Variants in CDC42BPA observed in about 807,000 individuals in gnomAD.
The protein encoded by CDC42BPA is serine/threonine-protein kinase MRCK alpha.
Under a neutral mutation model 223.5 loss-of-function variants are expected in CDC42BPA, and 80 were observed. That is an observed-to-expected ratio of 0.36 (90% CI 0.30 to 0.43). CDC42BPA has a LOEUF of 0.43. Among genes scored for constraint, CDC42BPA ranks in the 20% least tolerant of loss-of-function variants. CDC42BPA has a pLI of 1.00. For synonymous variants in CDC42BPA, 694 were observed against 718.6 expected, an observed-to-expected ratio of 0.97 and a Z score of 0.55; for missense variants, 1,743 against 2,099.9, an observed-to-expected ratio of 0.83 and a Z score of 3.32.
At chr1:227,145,450 A>C (rs1395160049) in intron 8 of CDC42BPA, 39 bp downstream of exon 8, 1 of 1,575,220 alleles carries the variant, frequency 6.3e-7, no homozygotes, top group South Asian at 1.2e-5. Context: ...TAGTAGAAAG[A>C]AACAGAGGGA....
chr1:227,258,964 G>GAT (rs1683581285), intron 1 of CDC42BPA, among the ~76,000 whole-genome samples: 1 of 151,132 alleles, frequency 6.6e-6, no homozygotes, highest in South Asian at 2.1e-4. Flanking sequence ...GGACTAATCA[G>GAT]ATCTGTTGCG....
chr1:227,121,054 C>T (rs765448080), intron 11 of CDC42BPA, among the ~76,000 whole-genome samples: 1 of 152,158 alleles, frequency 6.6e-6, no homozygotes, highest in Non-Finnish European at 1.5e-5. Flanking sequence ...GGCGCTAATG[C>T]TCACTCACCT....
chr1:227,311,387 G>A (rs1164096794), intron 1 of CDC42BPA, among the ~76,000 whole-genome samples: 1 of 152,066 alleles, frequency 6.6e-6, no homozygotes, highest in Admixed American at 6.5e-5. Flanking sequence ...AGCAATTCTT[G>A]GTCCTCGATA....
chr1:227,035,459 A>T lies in CDC42BPA; in HGVS notation c.3336+12T>A. ...TAAAGGATTAATCTAAACCCAACTT[A>T]ATCATACTTACCCTGACATGACCTT... On this transcript the variant is annotated intron_variant, in intron 25 of 36. Transcript: ENST00000366766. 1.3e-6 allele frequency: 2 copies of T among 1,596,790 alleles called. No individual in the cohort carries two copies. Among genetic ancestry groups the T allele is most frequent in the South Asian group, 1.1e-5 (1 of 87,286 alleles).
rs1373925166 is a variant in CDC42BPA, at chr1:227,060,716, A to AGTT, written c.2905-8732_2905-8731insAAC. Among the ~76,000 whole-genome samples, 501 of 126,470 alleles carry AGTT rather than the reference A, an allele frequency of 4.0e-3. 16 individuals carry two copies. Among genetic ancestry groups the AGTT allele is most frequent in the Non-Finnish European group, 6.7e-3 (410 of 60,802 alleles). The allele number at this position is 126,470 out of a possible 152,430, so 83.0% of individuals were successfully genotyped here. A position where few individuals can be genotyped will look rare whatever the true frequency, so the allele number is the denominator to read the frequency against. On this transcript the variant is annotated intron_variant, in intron 21 of 36. Transcript: ENST00000366766. ...AACTCTGGCAGGTAAGTAAATAGGT[A>AGTT]CTTTTTTTTTTTTTTTTTTTTTTTT...
chr1:227,030,368 C>CTT, intron 29 of CDC42BPA, 40 bp downstream of exon 29: 1 of 1,226,726 alleles, frequency 8.2e-7, no homozygotes, highest in Non-Finnish European at 1.2e-6. Flanking sequence ...TTTTTTAACA[C>CTT]GATTTAAAAT....
intron 2 of CDC42BPA, 94 bp from the exon 3 acceptor site, chr1:227,213,313 C>T (rs184051247): frequency 6.4e-5 from 39 of 612,918 alleles, no homozygotes; most frequent in Admixed American, 5.7e-4. Context: ...AAAATAAATA[C>T]CAATTATCAA....
chr1:227,308,852 A>C (rs377686834), intron 1 of CDC42BPA, among the ~76,000 whole-genome samples: 1 of 152,086 alleles, frequency 6.6e-6, no homozygotes, highest in Admixed American at 6.6e-5. Context: ...AATTAAACAG[A>C]AGGTGTTTTT....
chr1:227,036,203 C>T (rs1167246492), intron 24 of CDC42BPA, among the ~76,000 whole-genome samples: 2 of 151,962 alleles, frequency 1.3e-5, no homozygotes, highest in Admixed American at 1.3e-4. Flanking sequence ...GTACAGTTAC[C>T]ATCTCTATAA....
chr1:227,132,651 T>C (rs1657427420), intron 10 of CDC42BPA, among the ~76,000 whole-genome samples: 1 of 142,902 alleles, frequency 7.0e-6, no homozygotes, highest in Non-Finnish European at 1.5e-5. Context: ...GTGAGGATCG[T>C]CTCTGCCCGG....
At chr1:227,089,286 C>T (rs1682593327) in intron 16 of CDC42BPA, among the ~76,000 whole-genome samples, 1 of 152,070 alleles carries the variant, frequency 6.6e-6, no homozygotes, top group African/African-American at 2.4e-5. Context: ...CTGTGGTCAT[C>T]CTTGGGGAAA....
chr1:227,104,853 T>C (rs1044616743), intron 14 of CDC42BPA, among the ~76,000 whole-genome samples: 2 of 151,958 alleles, frequency 1.3e-5, no homozygotes, highest in Non-Finnish European at 2.9e-5. Context: ...ACCATACCAA[T>C]ATCTTGATTT....
chr1:227,245,079 G>A (rs1467132779), intron 2 of CDC42BPA, among the ~76,000 whole-genome samples: 2 of 152,086 alleles, frequency 1.3e-5, no homozygotes, highest in Non-Finnish European at 2.9e-5. Flanking sequence ...AACCTGAATG[G>A]CAGTCAAGTT....
chr1:227,128,464 T>G (rs1330491404), intron 11 of CDC42BPA, among the ~76,000 whole-genome samples: 1 of 152,238 alleles, frequency 6.6e-6, no homozygotes, highest in Non-Finnish European at 1.5e-5. Context: ...TTCTGTTTTC[T>G]GTCCTTTACC....
intron 5 of CDC42BPA, chr1:227,180,578 TCAAGGTAAGA>T (rs1667765970): frequency 6.6e-6 from 1 of 152,070 alleles, no homozygotes; most frequent in African/African-American, 2.4e-5. Context: ...ACAAACAGAA[TCAAGGTAAGA>T]TCTAAGTCAC....
At chr1:227,310,732 A>G (rs1321221927) in intron 1 of CDC42BPA, among the ~76,000 whole-genome samples, 4 of 147,288 alleles carry the variant, frequency 2.7e-5, no homozygotes, top group Non-Finnish European at 4.5e-5. Flanking sequence ...TGTCGCCCAG[A>G]CTGGAGTGCA....
At chr1:227,145,888 G>A in intron 7 of CDC42BPA, 151 bp from the exon 8 acceptor site, 1 of 571,430 alleles carries the variant, frequency 1.7e-6, no homozygotes, top group South Asian at 3.1e-5. Flanking sequence ...AAGGAATACA[G>A]GGATGAATGA....
intron 35 of CDC42BPA, among the ~76,000 whole-genome samples, chr1:226,997,346 C>T (rs9730515): frequency 0.38 from 57,361 of 151,910 alleles, 11,474 homozygotes; most frequent in Non-Finnish European, 0.46. Context: ...ATTCTTCTCT[C>T]TTTTCTTATT....
intron 1 of CDC42BPA, among the ~76,000 whole-genome samples, chr1:227,292,107 C>T (rs932432221): frequency 3.3e-5 from 5 of 151,922 alleles, no homozygotes; most frequent in East Asian, 1.9e-4. Context: ...CTCAGCCTCC[C>T]GAGTAGCTGG....
Sources: gnomAD v4.1 joint callset for allele counts (sites outside exome capture counted in the v4.1 genomes callset) on GRCh38, gnomAD v4.1.1 for gene constraint, MANE v1.5 for transcripts, NCBI Gene and HGNC (gene_info 2026-07-23, HGNC 2026-07-21) for gene names.